The following PGM3 variants were observed in gnomAD, a reference collection of about 807,000 sequenced individuals.
PGM3 encodes phosphoglucomutase 3, also known as phosphoacetylglucosamine mutase.
PGM3 carries 40 observed loss-of-function variants against 66.2 expected under a neutral mutation model. The ratio of observed to expected loss-of-function variants is 0.60; its 90% CI spans 0.47 to 0.79. The LOEUF is 0.79. Among genes scored for constraint, PGM3 ranks in the 30% least tolerant of loss-of-function variants. The pLI is 0.00. For synonymous variants in PGM3, 191 were observed against 224.2 expected (o/e 0.85, Z 1.32); for missense variants, 537 against 643.4 (o/e 0.83, Z 1.79).
In PGM3 at chr6:83,169,242, C is replaced by T. The variant is rs943678178; in HGVS notation, c.1621G>A (p.Gly541Ser). 12 of 1,613,894 alleles carry T rather than the reference C, an allele frequency of 7.4e-6. No homozygotes were observed. Among genetic ancestry groups the T allele is most frequent in the Non-Finnish European group, 1.0e-5 (12 of 1,179,930 alleles). ...AGGIGERPQPGF is the reference protein window; with the variant it reads ...AGGIGERPQPSF ...GAATATGAAAATTATCTTCAGAAAC[C>T]TGGTTGGGGCCTTTCTCCAATTCCT... Residue 541 changes from glycine to serine, a missense_variant, in exon 13 of 13, where the codon GGT (glycine) becomes AGT (serine). Coordinates refer to ENST00000513973, the MANE Select transcript of PGM3 (RefSeq NM_015599.3).
chr6:83,176,486 C>A (rs1787780776), intron 8 of PGM3, among the ~76,000 whole-genome samples: 1 of 152,184 alleles, frequency 6.6e-6, no homozygotes, highest in Non-Finnish European at 1.5e-5. Context: ...CAAAAGCAGC[C>A]ACAGACCATA....
the PGM3 span, chr6:83,151,562 C>T: frequency 6.4e-7 from 1 of 1,559,670 alleles, no homozygotes; most frequent in Non-Finnish European, 8.7e-7. Context: ...CCTGATATTT[C>T]CCGTTTCTGT....
downstream of PGM3, among the ~76,000 whole-genome samples, chr6:83,162,495 A>G (rs1419949141): frequency 6.6e-6 from 1 of 152,228 alleles, no homozygotes; most frequent in Non-Finnish European, 1.5e-5. Flanking sequence ...ATGAGAAAAG[A>G]AACATTTGTT....
intron 9 of PGM3, 59 bp from the exon 10 acceptor site, chr6:83,174,546 A>T: frequency 1.2e-6 from 1 of 857,606 alleles, no homozygotes; most frequent in Non-Finnish European, 1.8e-6. Context: ...AGTCATAAGT[A>T]CTATTATTCT....
intron 7 of PGM3, among the ~76,000 whole-genome samples, chr6:83,179,333 A>G (rs1308130917): frequency 1.3e-5 from 2 of 151,486 alleles, no homozygotes; most frequent in Admixed American, 1.3e-4. Context: ...AAAAAAATCT[A>G]TTAAATTCTT....
intron 8 of PGM3, among the ~76,000 whole-genome samples, chr6:83,178,193 A>G (rs1030082434): frequency 2.0e-5 from 3 of 152,228 alleles, no homozygotes; most frequent in African/African-American, 4.8e-5. Flanking sequence ...AGGGATGGCC[A>G]CCTGTGTTAA....
intron 3 of PGM3, among the ~76,000 whole-genome samples, 168 bp from the exon 4 acceptor site, chr6:83,187,243 T>C (rs1228832851): frequency 6.6e-6 from 1 of 152,182 alleles, no homozygotes; most frequent in African/African-American, 2.4e-5. Context: ...TTATAAGCAT[T>C]TTCCAGTAGC....
chr6:83,168,757 G>A lies in PGM3; in HGVS notation c.*477C>T, dbSNP rs1054185566. The stretch of plus-strand genomic sequence containing the variant: ...GTTCCTGATGGCATTAGTCATATAG[G>A]TAAGTCATCTAATAATCTTTCTTAA... On this transcript the variant is annotated 3_prime_UTR_variant, in exon 13 of 13. Coordinates refer to ENST00000513973, the MANE Select transcript of PGM3 (RefSeq NM_015599.3). 6.0e-6 allele frequency: 6 copies of A among 1,000,424 alleles called. No homozygotes were observed. In the Admixed American group the frequency reaches 2.7e-4, roughly 44 times the overall value. 62.0% of individuals were successfully genotyped at this position (1,000,424 alleles called of 1,614,324 possible).
chr6:83,154,247 T>C, the PGM3 span: 1 of 1,611,814 alleles, frequency 6.2e-7, no homozygotes, highest in Non-Finnish European at 8.5e-7. Flanking sequence ...GATGAGTGAG[T>C]ATTACGGGAT....
chr6:83,154,171 C>A, the PGM3 span: 2 of 1,613,446 alleles, frequency 1.2e-6, no homozygotes, highest in South Asian at 1.1e-5. Flanking sequence ...TAATCCTTAT[C>A]TCTTTCAGTT....
At chr6:83,157,153 T>C, downstream of PGM3, 1 of 1,602,410 alleles carries the variant, frequency 6.2e-7, no homozygotes, top group Non-Finnish European at 8.5e-7. Context: ...GATTATTTAG[T>C]TATTGAAAAT....
chr6:83,169,048 A>G lies in PGM3; in HGVS notation c.*186T>C. The G allele has an allele frequency of 3.6e-6, 5 of 1,379,356 alleles. No homozygotes were observed. The highest frequency in any genetic ancestry group is 4.7e-6 in the Non-Finnish European group (5 of 1,067,816). 85.4% of individuals were successfully genotyped at this position (1,379,356 alleles called of 1,614,324 possible). On this transcript the variant is annotated 3_prime_UTR_variant, in exon 13 of 13. Transcript: ENST00000513973. ...GAAATTAGAGGTAAATTTCTTTAACAAGTGTAAGGCTTACCTATTTATAAA... is the reference window on the plus strand; with the variant it reads ...GAAATTAGAGGTAAATTTCTTTAACGAGTGTAAGGCTTACCTATTTATAAA...
rs757925235 is a variant in PGM3, at chr6:83,181,890, G to A, written c.633C>T (p.Asp211=). The change falls in exon 6 of 13, where the codon GAC becomes GAT. Residue 211 remains aspartate (D), a synonymous_variant. Transcript: ENST00000513973. ...SGDEYRSLKV[D]CANGIGALKL... ...TCAGGGCCCCTATGCCATTTGCACA[G>A]TCAACCTTAAGTGATCTGTATTCAT... The A allele has an allele frequency of 1.2e-6, 2 of 1,613,642 alleles. No homozygotes were observed. The highest frequency in any genetic ancestry group is 1.7e-6 in the Non-Finnish European group (2 of 1,179,842).
rs2128479028 is a variant in PGM3, at chr6:83,170,383, C to G, written c.1461G>C (p.Lys487Asn). The G allele has an allele frequency of 8.1e-6, 13 of 1,614,128 alleles. No individual in the cohort carries two copies. Among genetic ancestry groups the G allele is most frequent in the Non-Finnish European group, 1.1e-5 (13 of 1,180,004 alleles). ...LQEAINDLVK[K>N]YKLSRAFVRP... Reference sequence around the variant, plus strand: ...GGACAAAAGCTCGAGAAAGCTTGTACTTCTTCACCAGGTCATTGATTGCCT... The same window carrying G: ...GGACAAAAGCTCGAGAAAGCTTGTAGTTCTTCACCAGGTCATTGATTGCCT... Residue 487 changes from lysine to asparagine, a missense_variant, in exon 12 of 13, where the codon AAG becomes AAC. Lys to Asn is a moderately conservative substitution (Grantham distance 94, BLOSUM62 0). Transcript: ENST00000513973.
chr6:83,153,980 A>C, the PGM3 span: 1 of 1,614,066 alleles, frequency 6.2e-7, no homozygotes, highest in Non-Finnish European at 8.5e-7. Context: ...GCTTGGAAAA[A>C]AGAAGCTTTT....
downstream of PGM3, among the ~76,000 whole-genome samples, chr6:83,163,898 T>C (rs1042090020): frequency 1.3e-5 from 2 of 151,750 alleles, no homozygotes; most frequent in African/African-American, 2.4e-5. Context: ...TTGTAAAATA[T>C]TGTCTTATAT....
chr6:83,151,717 T>C, the PGM3 span: 3 of 1,525,434 alleles, frequency 2.0e-6, no homozygotes, highest in Non-Finnish European at 2.7e-6. Flanking sequence ...AATTTGAAAA[T>C]GAGAGAGTCA....
downstream of PGM3, chr6:83,164,680 G>GACAGTGAT (rs1562392401): frequency 1.9e-6 from 3 of 1,586,554 alleles, no homozygotes; most frequent in Admixed American, 3.6e-5. Context: ...AGGACTTTAA[G>GACAGTGAT]ACAGTGATTT....
chr6:83,184,046 C>T (rs1205758909), intron 4 of PGM3, among the ~76,000 whole-genome samples: 1 of 152,006 alleles, frequency 6.6e-6, no homozygotes, highest in Non-Finnish European at 1.5e-5. Flanking sequence ...TGAACCCAGC[C>T]AGTGCCCCAG....
Sources: allele counts gnomAD v4.1 joint callset (sites outside exome capture counted in the v4.1 genomes callset), GRCh38; gene constraint gnomAD v4.1.1; transcripts MANE v1.5; gene names NCBI Gene and HGNC (gene_info 2026-07-23, HGNC 2026-07-21).